The following ZNF722 variants were observed in gnomAD, a reference collection of about 807,000 sequenced individuals.
The protein encoded by ZNF722 is zinc finger protein 479 pseudogene.
the ZNF722 span, among the ~76,000 whole-genome samples, chr7:64,005,236 T>C: frequency 6.6e-6 from 1 of 151,810 alleles, no homozygotes; most frequent in African/African-American, 2.4e-5. Flanking sequence ...GAGGTGGAGG[T>C]TGCACTGAGC....
At chr7:64,007,801 C>G in the ZNF722 span, among the ~76,000 whole-genome samples, 1 of 152,138 alleles carries the variant, frequency 6.6e-6, no homozygotes, top group African/African-American at 2.4e-5. Context: ...AGTTCTAGAT[C>G]CTTGAGGAAT....
chr7:64,017,428 C>A, the ZNF722 span, among the ~76,000 whole-genome samples: 26 of 152,084 alleles, frequency 1.7e-4, no homozygotes, highest in South Asian at 5.4e-3. Flanking sequence ...TGTAAAAACA[C>A]CTTTTGGAAA....
chr7:64,013,817 A>G, the ZNF722 span, among the ~76,000 whole-genome samples: 2 of 152,150 alleles, frequency 1.3e-5, no homozygotes. Flanking sequence ...TTTAGGGTAC[A>G]TGCAGTGCTT....
At chr7:64,011,451 C>CA in the ZNF722 span, among the ~76,000 whole-genome samples, 1 of 152,130 alleles carries the variant, frequency 6.6e-6, no homozygotes, top group Non-Finnish European at 1.5e-5. Context: ...CTGGTGGTGA[C>CA]AAAATCTCTC....
chr7:64,005,662 G>A, the ZNF722 span: 2 of 1,416,076 alleles, frequency 1.4e-6, no homozygotes, highest in Non-Finnish European at 2.0e-6. Flanking sequence ...TGGAGGAGTG[G>A]CAATGCCTGG....
chr7:64,007,977 A>C, the ZNF722 span, among the ~76,000 whole-genome samples: 3 of 152,068 alleles, frequency 2.0e-5, no homozygotes, highest in Non-Finnish European at 4.4e-5. Context: ...TTTGATTTGC[A>C]TTTCTCTGAT....
chr7:64,015,388 C>G, the ZNF722 span: 1 of 1,526,348 alleles, frequency 6.6e-7, no homozygotes, highest in South Asian at 1.1e-5. Flanking sequence ...ATAATTCATA[C>G]TAAGGAGAAG....
the ZNF722 span, chr7:64,015,970 C>T: frequency 8.9e-7 from 1 of 1,127,680 alleles, no homozygotes; most frequent in African/African-American, 1.6e-5. Context: ...ATAATTTATG[C>T]TGGAAAAAAA....
the ZNF722 span, chr7:64,015,790 C>T: frequency 1.7e-5 from 28 of 1,608,908 alleles, no homozygotes; most frequent in Non-Finnish European, 2.3e-5. Context: ...ACCCTTAAGA[C>T]ACATAAGAGA....
the ZNF722 span, among the ~76,000 whole-genome samples, chr7:64,011,831 T>A: frequency 6.6e-6 from 1 of 152,210 alleles, no homozygotes; most frequent in Non-Finnish European, 1.5e-5. Flanking sequence ...CTGGATAATA[T>A]CCTACAGAGT....
chr7:64,016,212 C>A, the ZNF722 span: 1 of 238,226 alleles, frequency 4.2e-6, no homozygotes, highest in Non-Finnish European at 8.1e-6. Context: ...AAACTCAGCT[C>A]ACTGTAACCT....
At chr7:64,000,782 G>A in the ZNF722 span, among the ~76,000 whole-genome samples, 2 of 149,272 alleles carry the variant, frequency 1.3e-5, no homozygotes, top group Admixed American at 1.3e-4. Flanking sequence ...TTTTTTTGGC[G>A]GGGGGAGCGG....
chr7:64,005,877 A>AT, the ZNF722 span: 1 of 842,778 alleles, frequency 1.2e-6, no homozygotes, highest in Non-Finnish European at 1.8e-6. Flanking sequence ...TTGGTGTAGA[A>AT]CAGATTCTTC....
At chr7:64,013,047 C>A in the ZNF722 span, among the ~76,000 whole-genome samples, 1 of 152,110 alleles carries the variant, frequency 6.6e-6, no homozygotes, top group Non-Finnish European at 1.5e-5. Context: ...CTGGCATATA[C>A]TTCTTTTACA....
the ZNF722 span, among the ~76,000 whole-genome samples, chr7:64,000,282 C>T: frequency 4.0e-5 from 6 of 150,682 alleles, no homozygotes; most frequent in African/African-American, 1.5e-4. Context: ...AGGCATGCGT[C>T]ACCACCCCAG....
the ZNF722 span, among the ~76,000 whole-genome samples, chr7:64,007,230 G>GTATATATATATATATATA: frequency 3.7e-3 from 506 of 138,230 alleles, 7 homozygotes; most frequent in Middle Eastern, 0.012. Context: ...GTTTGTGTGT[G>GTATATATATATATATATA]TATATATATA....
chr7:64,017,149 G>A, the ZNF722 span, among the ~76,000 whole-genome samples: 1 of 152,134 alleles, frequency 6.6e-6, no homozygotes, highest in Non-Finnish European at 1.5e-5. Flanking sequence ...ACTTTGGGAG[G>A]CCAAGGTCAG....
At chr7:64,015,647 G>C in the ZNF722 span, 2 of 1,613,904 alleles carry the variant, frequency 1.2e-6, no homozygotes, top group Non-Finnish European at 1.7e-6. Context: ...ATACTGGAGA[G>C]AGACCCTACA....
chr7:64,015,136 A>T, the ZNF722 span: 1 of 1,429,330 alleles, frequency 7.0e-7, no homozygotes, highest in Non-Finnish European at 9.9e-7. Flanking sequence ...GAGAATTTAC[A>T]ATTTAAAAAA....
Sources: gnomAD v4.1 joint callset for allele counts (sites outside exome capture counted in the v4.1 genomes callset) on GRCh38, gnomAD v4.1.1 for gene constraint, MANE v1.5 for transcripts, NCBI Gene and HGNC (gene_info 2026-07-23, HGNC 2026-07-21) for gene names.